PFKFB1: variants seen among roughly 807,000 people sequenced by gnomAD.
PFKFB1 encodes 6-phosphofructo-2-kinase/fructose-2,6-bisphosphatase 1.
PFKFB1 carries 34 observed loss-of-function variants against 46.4 expected under a neutral mutation model. The ratio of observed to expected loss-of-function variants is 0.73; its 90% CI spans 0.56 to 0.98. The LOEUF is 0.98. Ranked by LOEUF, PFKFB1 falls within the 50% of genes least tolerant of loss-of-function variation. The pLI, the probability that PFKFB1 is intolerant of heterozygous loss-of-function variation, is 0.00. For synonymous variants in PFKFB1, 119 were observed against 133.8 expected (o/e 0.89, Z 0.76); for missense variants, 393 against 376.3 (o/e 1.04, Z -0.37).
At chrX:54,953,123 G>T (rs781323861) in intron 7 of PFKFB1, among the ~76,000 whole-genome samples, 5 of 112,071 alleles carry the variant, frequency 4.5e-5, no homozygotes, top group Non-Finnish European at 9.4e-5. Context: ...GCTGTACCAG[G>T]CATTAAATCC....
intron 10 of PFKFB1, among the ~76,000 whole-genome samples, chrX:54,944,916 G>T (rs1428383099): frequency 1.8e-5 from 2 of 112,106 alleles, no homozygotes; most frequent in Non-Finnish European, 3.8e-5. Flanking sequence ...ACTAATAAAT[G>T]CTCTAAAATG....
At chrX:54,966,917 T>C (rs1259535905) in intron 1 of PFKFB1, among the ~76,000 whole-genome samples, 1 of 111,828 alleles carries the variant, frequency 8.9e-6, no homozygotes, top group Non-Finnish European at 1.9e-5. Context: ...CCCCTGGGCT[T>C]ACCTCTGACT....
Position 54,933,298 on chromosome X carries a change from G to A in PFKFB1, c.*105C>T. Reference sequence around the variant, plus strand: ...GCGGAGGACTTCTTCACTGGAAGTGGGGTGCCTCAGTGAGGCCAAGGCAGA... The same window carrying A: ...GCGGAGGACTTCTTCACTGGAAGTGAGGTGCCTCAGTGAGGCCAAGGCAGA... On this transcript the variant is annotated 3_prime_UTR_variant, in exon 14 of 14. Coordinates refer to ENST00000375006, the MANE Select transcript of PFKFB1 (RefSeq NM_002625.4). The A allele has an allele frequency of 3.1e-6, 2 of 638,998 alleles. No homozygotes were observed. Among genetic ancestry groups the A allele is most frequent in the South Asian group, 2.6e-5 (1 of 38,891 alleles). 52.7% of individuals were successfully genotyped at this position (638,998 alleles called of 1,213,427 possible). A position where few individuals can be genotyped will look rare whatever the true frequency, so the allele number is the denominator to read the frequency against.
At chrX:54,983,687 A>G (rs1935051731) in intron 1 of PFKFB1, among the ~76,000 whole-genome samples, 1 of 112,092 alleles carries the variant, frequency 8.9e-6, no homozygotes, top group African/African-American at 3.2e-5. Context: ...TATACCCAGT[A>G]ATGGGATTGC....
At chrX:54,973,590 G>T (rs753136354) in intron 1 of PFKFB1, among the ~76,000 whole-genome samples, 2 of 111,136 alleles carry the variant, frequency 1.8e-5, no homozygotes, top group African/African-American at 3.3e-5. Context: ...CCTTCATTTC[G>T]TTATGTACCC....
chrX:54,971,913 A>G (rs1246513834), intron 1 of PFKFB1, among the ~76,000 whole-genome samples: 2 of 111,416 alleles, frequency 1.8e-5, no homozygotes, highest in Non-Finnish European at 3.8e-5. Flanking sequence ...CATTGAATCT[A>G]TAAATTACCT....
chrX:54,942,879 G>GT (rs1461823529), intron 10 of PFKFB1, among the ~76,000 whole-genome samples: 1 of 111,477 alleles, frequency 9.0e-6, no homozygotes. Context: ...AGTGTATGGG[G>GT]TAAGGAGCAT....
intron 7 of PFKFB1, among the ~76,000 whole-genome samples, chrX:54,955,041 A>T (rs1365978134): frequency 8.9e-6 from 1 of 112,065 alleles, no homozygotes; most frequent in African/African-American, 3.2e-5. Context: ...TGATAATTTT[A>T]AAAAGCCGTA....
intron 9 of PFKFB1, 81 bp from the exon 10 acceptor site, chrX:54,945,624 G>A: frequency 1.6e-6 from 1 of 637,443 alleles, no homozygotes. Context: ...CGATGATTGT[G>A]AAACAGTAGC....
At chrX:54,972,140 G>C (rs1279081147) in intron 1 of PFKFB1, among the ~76,000 whole-genome samples, 3 of 111,152 alleles carry the variant, frequency 2.7e-5, no homozygotes, top group Non-Finnish European at 3.8e-5. Flanking sequence ...CTCTCTGTTT[G>C]TCTGTTATTG....
At chrX:54,939,474 A>G (rs1195949437) in intron 10 of PFKFB1, among the ~76,000 whole-genome samples, 1 of 112,111 alleles carries the variant, frequency 8.9e-6, no homozygotes, top group Non-Finnish European at 1.9e-5. Flanking sequence ...TGAAAAGATC[A>G]ACAAAATTGA....
chrX:54,981,878 T>C (rs1264392486), intron 1 of PFKFB1, among the ~76,000 whole-genome samples: 4 of 111,300 alleles, frequency 3.6e-5, no homozygotes, highest in Non-Finnish European at 5.7e-5. Context: ...AGAAAACTAC[T>C]ACCTTGAAAT....
At chrX:54,976,082 T>C (rs1370208050) in intron 1 of PFKFB1, among the ~76,000 whole-genome samples, 4 of 111,124 alleles carry the variant, frequency 3.6e-5, no homozygotes, top group Non-Finnish European at 7.6e-5. Context: ...AAGAAAAAAA[T>C]AGATAAATTG....
intron 1 of PFKFB1, among the ~76,000 whole-genome samples, chrX:54,985,241 C>A (rs758088377): frequency 4.8e-4 from 53 of 111,392 alleles, no homozygotes; most frequent in Non-Finnish European, 1.0e-3. Context: ...CCAAGACTTA[C>A]TTCACAAACT....
intron 6 of PFKFB1, 22 bp from the exon 7 acceptor site, chrX:54,956,296 G>T: frequency 8.3e-7 from 1 of 1,209,451 alleles, no homozygotes; most frequent in Non-Finnish European, 1.1e-6. Context: ...GAGAACAGAG[G>T]TATCAAGGGA....
chrX:54,938,255 C>G (rs1166403110), intron 10 of PFKFB1, among the ~76,000 whole-genome samples: 3 of 111,656 alleles, frequency 2.7e-5, no homozygotes, highest in Non-Finnish European at 3.8e-5. Flanking sequence ...TGCTCAAAGG[C>G]CAAATCTTTA....
chrX:54,994,216 G>A, upstream of PFKFB1: 2 of 1,038,008 alleles, frequency 1.9e-6, no homozygotes, highest in South Asian at 5.2e-5. Flanking sequence ...GCTCCTGTAT[G>A]TACTAGTGGG....
At chrX:54,972,447 C>T (rs1302061686) in intron 1 of PFKFB1, among the ~76,000 whole-genome samples, 1 of 110,135 alleles carries the variant, frequency 9.1e-6, no homozygotes, top group Non-Finnish European at 1.9e-5. Context: ...CCAGTTTTTG[C>T]CCATTCAGTA....
upstream of PFKFB1, among the ~76,000 whole-genome samples, chrX:54,997,488 A>G (rs1446981310): frequency 1.8e-5 from 2 of 111,568 alleles, no homozygotes; most frequent in African/African-American, 6.5e-5. Flanking sequence ...ACCCCTCCCA[A>G]AGTATAGGGC....
Sources: allele counts gnomAD v4.1 joint callset (sites outside exome capture counted in the v4.1 genomes callset), GRCh38; gene constraint gnomAD v4.1.1; transcripts MANE v1.5; gene names NCBI Gene and HGNC (gene_info 2026-07-23, HGNC 2026-07-21).